The following DOCK1 variants were observed in gnomAD, a reference collection of about 807,000 sequenced individuals.
DOCK1 encodes the protein dedicator of cytokinesis 1.
In DOCK1, 138 loss-of-function variants were observed where a neutral mutation model predicts 262.7. That is an observed-to-expected ratio of 0.53 (90% CI 0.46 to 0.61). The LOEUF (loss-of-function observed/expected upper bound fraction) is 0.61, where lower values mean the gene tolerates loss of function less well. Ranked by LOEUF, DOCK1 falls within the 20% of genes least tolerant of loss-of-function variation. The pLI is 0.00. For synonymous variants in DOCK1, 866 were observed against 867.4 expected, an observed-to-expected ratio of 1.00 and a Z score of 0.03; for missense variants, 1,908 against 2,370.7, an observed-to-expected ratio of 0.80 and a Z score of 4.05.
At chr10:127,090,047 T>G (rs755582530) in intron 23 of DOCK1, among the ~76,000 whole-genome samples, 1 of 152,088 alleles carries the variant, frequency 6.6e-6, no homozygotes. Context: ...AGGAGCTTGT[T>G]TAAGGGGTGG....
At position 126,970,789 on chromosome 10, in the gene DOCK1, C is replaced by T. The variant is rs200312373; in HGVS notation, c.130+4C>T. 1.0e-4 allele frequency: 164 copies of T among 1,610,632 alleles called. No individual in the cohort carries two copies. Among genetic ancestry groups the T allele is most frequent in the African/African-American group, 2.5e-4 (19 of 75,000 alleles). ...CACATCTTAGAAACATATGAAGGTGCGTATGCATCTTGGTATCTTTTCTCT... is the reference window on the plus strand; with the variant it reads ...CACATCTTAGAAACATATGAAGGTGTGTATGCATCTTGGTATCTTTTCTCT... On this transcript the variant is annotated splice_donor_region_variant and intron_variant, in intron 2 of 51. Transcript: ENST00000623213.
intron 29 of DOCK1, among the ~76,000 whole-genome samples, chr10:127,302,911 T>C (rs569725688): frequency 6.6e-6 from 1 of 152,148 alleles, no homozygotes; most frequent in South Asian, 2.1e-4. Context: ...CTAGAAAAGA[T>C]GCCTCATTCT....
intron 38 of DOCK1, among the ~76,000 whole-genome samples, chr10:127,389,742 G>T (rs965548605): frequency 6.6e-6 from 1 of 152,148 alleles, no homozygotes; most frequent in African/African-American, 2.4e-5. Flanking sequence ...CCGGCCGGGC[G>T]TGGTGGCTCA....
chr10:127,014,756 G>C (rs2041731157), intron 12 of DOCK1: 1 of 152,270 alleles, frequency 6.6e-6, no homozygotes, highest in African/African-American at 2.4e-5. Context: ...AGTTCCTCAG[G>C]CTCTTCTGTC....
At position 127,032,298 on chromosome 10, in the gene DOCK1, C is replaced by G. The variant is rs1426153607; in HGVS notation, c.1890C>G (p.Cys630Trp). The change falls in exon 18 of 52, where the codon TGC becomes TGG. Residue 630 changes from cysteine (C) to tryptophan (W), a missense_variant. By Grantham distance (215) the Cys-to-Trp change is radical. Coordinates refer to ENST00000623213, the MANE Select transcript of DOCK1 (RefSeq NM_001290223.2). ...KDSFQISTLV[C>W]STKLTQNVDL... The stretch of plus-strand genomic sequence containing the variant: ...CCTTCCAGATCTCCACGCTCGTGTG[C>G]TCCACCAAACTGACTCAGAACGGTG... 6.4e-7 allele frequency: 1 copy of G among 1,572,272 alleles called. No homozygotes were observed. The highest frequency in any genetic ancestry group is 8.6e-7 in the Non-Finnish European group (1 of 1,162,230).
At chr10:127,116,248 C>G (rs1437849468) in intron 25 of DOCK1, among the ~76,000 whole-genome samples, 1 of 152,176 alleles carries the variant, frequency 6.6e-6, no homozygotes, top group African/African-American at 2.4e-5. Context: ...AGACAGTGTT[C>G]ATGAGTCTTT....
At position 127,052,685 on chromosome 10, in the gene DOCK1, T is replaced by C. The variant is rs766965750; in HGVS notation, c.2206T>C (p.Leu736=). Residue 736 remains leucine, a synonymous_variant, in exon 22 of 52, where the codon TTG becomes CTG. Coordinates refer to ENST00000623213, the MANE Select transcript of DOCK1 (RefSeq NM_001290223.2). ...GCGTGTTTGCATTGTGAATAGGAAG[T>C]TGACAAAAGTGTTGAAGAACTACGT... is the stretch of plus-strand genomic sequence containing the variant. The part of the protein sequence containing the change: ...HFSATLAYTK[L]TKVLKNYVDG... 8 of 1,613,876 alleles carry C rather than the reference T, an allele frequency of 5.0e-6. No homozygotes were observed. In the East Asian group the frequency reaches 1.3e-4, roughly 27 times the overall value.
At chr10:127,300,269 T>C (rs2061636558) in intron 29 of DOCK1, among the ~76,000 whole-genome samples, 1 of 152,218 alleles carries the variant, frequency 6.6e-6, no homozygotes, top group African/African-American at 2.4e-5. Flanking sequence ...AAGGCTTCTT[T>C]CGCGCTGCCT....
At chr10:127,006,923 T>C (rs1161080897) in intron 10 of DOCK1, among the ~76,000 whole-genome samples, 2 of 152,148 alleles carry the variant, frequency 1.3e-5, no homozygotes, top group Non-Finnish European at 2.9e-5. Flanking sequence ...CATCGTGGGC[T>C]GCTGCCTAAA....
chr10:127,261,826 G>A (rs2060148838), intron 29 of DOCK1, among the ~76,000 whole-genome samples: 1 of 132,628 alleles, frequency 7.5e-6, no homozygotes, highest in Admixed American at 7.8e-5. Flanking sequence ...TACCTGCATT[G>A]TGTGCATGTG....
chr10:127,268,037 C>A (rs897758898), intron 29 of DOCK1, among the ~76,000 whole-genome samples: 14 of 152,086 alleles, frequency 9.2e-5, no homozygotes, highest in African/African-American at 3.4e-4. Flanking sequence ...ACGTTGTTGT[C>A]ACAACTTGGG....
chr10:127,121,380 T>C (rs967602259), intron 25 of DOCK1, among the ~76,000 whole-genome samples: 5 of 152,210 alleles, frequency 3.3e-5, no homozygotes, highest in Admixed American at 6.5e-5. Flanking sequence ...CATAGGAAGA[T>C]AGGAGATTCC....
intron 33 of DOCK1, among the ~76,000 whole-genome samples, chr10:127,363,125 G>A (rs1184636851): frequency 2.2e-5 from 3 of 134,830 alleles, no homozygotes; most frequent in Non-Finnish European, 4.8e-5. Flanking sequence ...TCTCCTTAGT[G>A]TACTAATGGT....
chr10:126,982,917 C>T (rs2039084848), intron 4 of DOCK1, among the ~76,000 whole-genome samples: 1 of 152,102 alleles, frequency 6.6e-6, no homozygotes, highest in South Asian at 2.1e-4. Flanking sequence ...CATTAGAATC[C>T]TTATACAGGG....
At chr10:127,045,388 T>C (rs1396674090) in intron 21 of DOCK1, among the ~76,000 whole-genome samples, 2 of 152,098 alleles carry the variant, frequency 1.3e-5, no homozygotes, top group African/African-American at 4.8e-5. Context: ...CAGTGGCGAC[T>C]GAGATAGCTC....
intron 3 of DOCK1, among the ~76,000 whole-genome samples, 187 bp downstream of exon 3, chr10:126,978,175 A>T (rs1482072535): frequency 6.6e-6 from 1 of 152,208 alleles, no homozygotes; most frequent in Admixed American, 6.5e-5. Flanking sequence ...GTGTACATAG[A>T]AATTGTAGCT....
Position 127,297,857 on chromosome 10 carries a change from G to A in DOCK1, c.3044+40428G>A, listed in dbSNP as rs928932786. ...TCCCAAAGCTATGCATTATTCAGACGTGTCGGAGCGAGAGTGCCCGATTTC... is the reference window on the plus strand; with the variant it reads ...TCCCAAAGCTATGCATTATTCAGACATGTCGGAGCGAGAGTGCCCGATTTC... On this transcript the variant is annotated intron_variant, in intron 29 of 51. Transcript: ENST00000623213. Among the ~76,000 whole-genome samples, 12 of 152,052 alleles carry A rather than the reference G, an allele frequency of 7.9e-5. No homozygotes were observed. The East Asian group carries it at 1.6e-3, about 20-fold the overall frequency.
At chr10:127,052,930 T>TC in intron 22 of DOCK1, 115 bp downstream of exon 22, 2 of 1,452,696 alleles carry the variant, frequency 1.4e-6, no homozygotes, top group Non-Finnish European at 1.8e-6. Flanking sequence ...TCCCCCTTTT[T>TC]CCCCCTTGCT....
chr10:127,239,782 G>A (rs988420062), intron 27 of DOCK1, among the ~76,000 whole-genome samples: 6 of 152,066 alleles, frequency 3.9e-5, no homozygotes, highest in Admixed American at 3.3e-4. Flanking sequence ...GATATATTGA[G>A]TATATAAAAA....
Sources: allele counts gnomAD v4.1 joint callset (sites outside exome capture counted in the v4.1 genomes callset), GRCh38; gene constraint gnomAD v4.1.1; transcripts MANE v1.5; gene names NCBI Gene and HGNC (gene_info 2026-07-23, HGNC 2026-07-21).